Variants in NXPH2 observed in about 807,000 individuals in gnomAD.
The protein encoded by NXPH2 is neurexophilin-2.
In NXPH2, 5 loss-of-function variants were observed where a neutral mutation model predicts 19.8. That is an observed-to-expected ratio of 0.25 (90% CI 0.13 to 0.53). NXPH2 has a LOEUF of 0.53. Ranked by LOEUF, NXPH2 falls within the 20% of genes least tolerant of loss-of-function variation. The pLI is 0.96. For missense variants in NXPH2, 289 were observed against 322.8 expected (o/e 0.90, Z 0.80); for synonymous variants, 154 against 127.4 (o/e 1.21, Z -1.41).
chr2:138,716,161 C>T (rs772944795), intron 1 of NXPH2, among the ~76,000 whole-genome samples: 9 of 152,116 alleles, frequency 5.9e-5, no homozygotes, highest in Admixed American at 1.3e-4. Flanking sequence ...CATAGCATAC[C>T]GAACTCCATT....
chr2:138,770,559 G>C (rs1682161285), intron 1 of NXPH2, among the ~76,000 whole-genome samples: 2 of 151,910 alleles, frequency 1.3e-5, no homozygotes, highest in African/African-American at 2.4e-5. Flanking sequence ...CAGATGATAT[G>C]ATTGTCTAGA....
intron 1 of NXPH2, 68 bp from the exon 2 acceptor site, chr2:138,671,733 C>A: frequency 6.9e-7 from 1 of 1,444,104 alleles, no homozygotes. Flanking sequence ...AAACTGAAGT[C>A]AAAGCGCAAG....
chr2:138,731,397 C>A (rs1379368812), intron 1 of NXPH2, among the ~76,000 whole-genome samples: 1 of 151,990 alleles, frequency 6.6e-6, no homozygotes, highest in East Asian at 1.9e-4. Flanking sequence ...TAGTAGCTGA[C>A]AATGCAGTGA....
intron 1 of NXPH2, among the ~76,000 whole-genome samples, chr2:138,722,527 G>A (rs1681297832): frequency 6.6e-6 from 1 of 152,348 alleles, no homozygotes; most frequent in East Asian, 1.9e-4. Flanking sequence ...CTGGGCAGAA[G>A]AGAGGCACCA....
intron 1 of NXPH2, among the ~76,000 whole-genome samples, chr2:138,717,119 T>C (rs1259637951): frequency 6.6e-6 from 1 of 152,088 alleles, no homozygotes; most frequent in Non-Finnish European, 1.5e-5. Context: ...TGGAGTGCTA[T>C]GAAGCTGTAA....
At chr2:138,730,459 C>T (rs558698429) in intron 1 of NXPH2, among the ~76,000 whole-genome samples, 13 of 152,256 alleles carry the variant, frequency 8.5e-5, no homozygotes, top group African/African-American at 3.1e-4. Context: ...CACGATTCAG[C>T]CCATAGCACT....
chr2:138,730,057 G>A (rs1215122758), intron 1 of NXPH2, among the ~76,000 whole-genome samples: 2 of 152,022 alleles, frequency 1.3e-5, no homozygotes, highest in Non-Finnish European at 2.9e-5. Flanking sequence ...TTTTTGCCGT[G>A]TCCTCATTAT....
chr2:138,755,629 T>G (rs1171751452), intron 1 of NXPH2, among the ~76,000 whole-genome samples: 2 of 152,120 alleles, frequency 1.3e-5, no homozygotes, highest in Non-Finnish European at 2.9e-5. Flanking sequence ...TCAGTTTTGT[T>G]TCTCAGTATT....
intron 1 of NXPH2, among the ~76,000 whole-genome samples, chr2:138,743,896 G>C (rs1049156211): frequency 6.6e-6 from 1 of 151,454 alleles, no homozygotes; most frequent in African/African-American, 2.4e-5. Flanking sequence ...ATAGCTACTG[G>C]AGAGGCTGAG....
At chr2:138,720,167 A>G (rs533245238) in intron 1 of NXPH2, among the ~76,000 whole-genome samples, 3 of 152,236 alleles carry the variant, frequency 2.0e-5, no homozygotes, top group Admixed American at 1.3e-4. Context: ...CAGAGGCTAT[A>G]TGGTTAGATC....
intron 1 of NXPH2, among the ~76,000 whole-genome samples, chr2:138,761,716 A>G (rs187847807): frequency 1.3e-3 from 199 of 152,332 alleles, no homozygotes; most frequent in African/African-American, 4.7e-3. Context: ...AAAGTTGGGA[A>G]AGTGGTTTTT....
chr2:138,708,312 A>C (rs147530731), intron 1 of NXPH2, among the ~76,000 whole-genome samples: 6 of 152,340 alleles, frequency 3.9e-5, no homozygotes, highest in South Asian at 2.1e-4. Flanking sequence ...GAGAAGAATG[A>C]GTATCAATGA....
At chr2:138,748,594 CCTCTCTCT>C (rs923979885) in intron 1 of NXPH2, among the ~76,000 whole-genome samples, 2 of 151,434 alleles carry the variant, frequency 1.3e-5, no homozygotes, top group Admixed American at 6.6e-5. Flanking sequence ...TCTCTCTTTC[CCTCTCTCT>C]CTCTTACATG....
intron 1 of NXPH2, among the ~76,000 whole-genome samples, chr2:138,713,084 A>G (rs1248945032): frequency 6.6e-6 from 1 of 152,240 alleles, no homozygotes; most frequent in Non-Finnish European, 1.5e-5. Context: ...GTAATTGACT[A>G]TAGAGAAACA....
chr2:138,764,315 C>A (rs1682061191), intron 1 of NXPH2, among the ~76,000 whole-genome samples: 1 of 152,202 alleles, frequency 6.6e-6, no homozygotes, highest in Admixed American at 6.5e-5. Flanking sequence ...GTCTCCAAAC[C>A]TGGCTGGGCC....
At chr2:138,681,932 G>A (rs1680585351) in intron 1 of NXPH2, among the ~76,000 whole-genome samples, 1 of 152,128 alleles carries the variant, frequency 6.6e-6, no homozygotes, top group African/African-American at 2.4e-5. Context: ...TTTAAGCCAA[G>A]AACCCCAAAG....
chr2:138,709,223 G>A (rs565349166), intron 1 of NXPH2, among the ~76,000 whole-genome samples: 2 of 152,068 alleles, frequency 1.3e-5, no homozygotes, highest in East Asian at 1.9e-4. Context: ...GGGAAACAGG[G>A]GCAGCTGCCC....
intron 1 of NXPH2, among the ~76,000 whole-genome samples, chr2:138,723,803 GCCACGGATT>G (rs1558922445): frequency 6.6e-6 from 1 of 152,152 alleles, no homozygotes; most frequent in Non-Finnish European, 1.5e-5. Context: ...CAGCTGAGCT[GCCACGGATT>G]CCAGGCTTTT....
Position 138,758,296 on chromosome 2 carries a change from C to T in NXPH2, c.51+21895G>A, listed in dbSNP as rs75411480. On this transcript the variant is annotated intron_variant, in intron 1 of 1. Coordinates refer to ENST00000272641, the MANE Select transcript of NXPH2 (RefSeq NM_007226.3). ...TGAGGATCTACCCAGGATCCTAGGA[C>T]ACCTCTGCCTGAATTCTGCTCTGGC... Among the ~76,000 whole-genome samples, 328 of 152,234 alleles carry T rather than the reference C, an allele frequency of 2.2e-3. 1 individual carries two copies. The highest frequency in any genetic ancestry group is 7.3e-3 in the African/African-American group (305 of 41,530).
Sources: gnomAD v4.1 joint callset for allele counts (sites outside exome capture counted in the v4.1 genomes callset) on GRCh38, gnomAD v4.1.1 for gene constraint, MANE v1.5 for transcripts, NCBI Gene and HGNC (gene_info 2026-07-23, HGNC 2026-07-21) for gene names.